Variants in PRTFDC1 observed in about 807,000 individuals in gnomAD.
PRTFDC1 encodes phosphoribosyl transferase domain containing 1, also known as phosphoribosyltransferase domain-containing protein 1.
Under a neutral mutation model 34.6 loss-of-function variants are expected in PRTFDC1, and 38 were observed. The ratio of observed to expected loss-of-function variants is 1.10; its 90% confidence interval spans 0.85 to 1.44. PRTFDC1 has a LOEUF of 1.44. Among genes scored for constraint, PRTFDC1 ranks in the 40% most tolerant of loss-of-function variants. The probability of loss-of-function intolerance (pLI) is 0.00; values close to 1 mark genes in which losing one functional copy is unlikely to be tolerated. For missense variants in PRTFDC1, 270 were observed against 283.0 expected, an observed-to-expected ratio of 0.95 and a Z score of 0.33; for synonymous variants, 93 against 98.1, an observed-to-expected ratio of 0.95 and a Z score of 0.31.
intron 3 of PRTFDC1, among the ~76,000 whole-genome samples, chr10:24,886,056 C>G (rs1848158836): frequency 6.6e-6 from 1 of 152,084 alleles, no homozygotes; most frequent in Admixed American, 6.6e-5. Flanking sequence ...TGATACTACT[C>G]CAGTGGATTG....
At chr10:24,873,614 C>T (rs1847913845) in intron 3 of PRTFDC1, among the ~76,000 whole-genome samples, 1 of 152,158 alleles carries the variant, frequency 6.6e-6, no homozygotes, top group Non-Finnish European at 1.5e-5. Flanking sequence ...TCAGGTAGGG[C>T]CAGGCCTTTG....
intron 3 of PRTFDC1, among the ~76,000 whole-genome samples, chr10:24,876,272 T>A (rs1048381527): frequency 2.3e-4 from 35 of 152,212 alleles, no homozygotes; most frequent in African/African-American, 7.9e-4. Flanking sequence ...TGGTTACTTT[T>A]GTACATTTTT....
intron 1 of PRTFDC1, among the ~76,000 whole-genome samples, chr10:24,948,712 A>G (rs1849290217): frequency 6.6e-6 from 1 of 152,128 alleles, no homozygotes; most frequent in African/African-American, 2.4e-5. Flanking sequence ...TTCCTGGACA[A>G]TTCCTTGGCT....
chr10:24,916,336 A>C lies in PRTFDC1; in HGVS notation c.339+20848T>G, dbSNP rs565985351. Among the ~76,000 whole-genome samples, 5 of 152,252 alleles carry C rather than the reference A, an allele frequency of 3.3e-5. No individual in the cohort carries two copies. The East Asian group carries it at 9.6e-4, about 29-fold the overall frequency. Reference sequence around the variant, plus strand: ...CCTTTCATTCTATTCTCAGCACCACACACAGACTTATTCTTTAAAATATAA... The same window carrying C: ...CCTTTCATTCTATTCTCAGCACCACCCACAGACTTATTCTTTAAAATATAA... On this transcript the variant is annotated intron_variant, in intron 3 of 8. Transcript: ENST00000320152.
At chr10:24,887,771 C>G (rs1315717245) in intron 3 of PRTFDC1, among the ~76,000 whole-genome samples, 1 of 152,116 alleles carries the variant, frequency 6.6e-6, no homozygotes, top group Non-Finnish European at 1.5e-5. Flanking sequence ...TGAACCTCAC[C>G]CCACCACAAC....
chr10:24,884,524 G>A (rs934702650), intron 3 of PRTFDC1, among the ~76,000 whole-genome samples: 5 of 152,160 alleles, frequency 3.3e-5, no homozygotes, highest in African/African-American at 1.2e-4. Flanking sequence ...AGAGCCACCC[G>A]CAGAGCCAGG....
intron 3 of PRTFDC1, among the ~76,000 whole-genome samples, chr10:24,891,779 G>A (rs543784195): frequency 6.6e-6 from 1 of 152,162 alleles, no homozygotes; most frequent in Non-Finnish European, 1.5e-5. Context: ...CAACAAAAAA[G>A]ACAAAATATA....
chr10:24,903,822 A>C (rs2132557096), intron 3 of PRTFDC1, among the ~76,000 whole-genome samples: 1 of 151,474 alleles, frequency 6.6e-6, no homozygotes, highest in African/African-American at 2.4e-5. Context: ...ACAAGCGAAC[A>C]CAACCACACA....
In PRTFDC1 at chr10:24,851,484, G is replaced by GAA. The variant is rs542412963; in HGVS notation, c.554-22_554-21dup. ...CAGCATCTTAGCAGACAGAGAAAGA[G>GAA]AAAAAAAAAAAGGAACAAAATTTAG... On this transcript the variant is annotated intron_variant, in intron 7 of 8. Transcript: ENST00000320152. 5 of 1,217,892 alleles carry GAA rather than the reference G, an allele frequency of 4.1e-6. No individual in the cohort carries two copies. Among genetic ancestry groups the GAA allele is most frequent in the South Asian group, 3.2e-5 (2 of 62,836 alleles). The allele number at this position is 1,217,892 out of a possible 1,614,324, so 75.4% of individuals were successfully genotyped here.
chr10:24,861,095 G>A (rs1353518016), intron 4 of PRTFDC1, among the ~76,000 whole-genome samples: 1 of 152,160 alleles, frequency 6.6e-6, no homozygotes, highest in East Asian at 1.9e-4. Flanking sequence ...CTAAGATATA[G>A]TGGTAAGTGG....
intron 8 of PRTFDC1, among the ~76,000 whole-genome samples, chr10:24,850,099 T>C (rs1029740859): frequency 3.3e-5 from 5 of 152,208 alleles, no homozygotes; most frequent in Non-Finnish European, 7.3e-5. Flanking sequence ...TGGAGATTCC[T>C]ATTCTGAATC....
intron 3 of PRTFDC1, among the ~76,000 whole-genome samples, chr10:24,922,363 C>T (rs7074097): frequency 0.32 from 49,245 of 152,106 alleles, 9,384 homozygotes; most frequent in African/African-American, 0.53. Context: ...AACTGATTAC[C>T]GCATTGATAT....
chr10:24,926,586 T>C (rs568690704), intron 3 of PRTFDC1, among the ~76,000 whole-genome samples: 1 of 152,322 alleles, frequency 6.6e-6, no homozygotes, highest in South Asian at 2.1e-4. Flanking sequence ...GGAGCTGAAG[T>C]GATCTGCCTG....
chr10:24,912,858 TG>T (rs1419969821), intron 3 of PRTFDC1, among the ~76,000 whole-genome samples: 2 of 152,114 alleles, frequency 1.3e-5, no homozygotes, highest in Non-Finnish European at 2.9e-5. Context: ...GAACTGGCCT[TG>T]CTTCTACCTC....
chr10:24,919,973 A>G (rs760324596), intron 3 of PRTFDC1, among the ~76,000 whole-genome samples: 39 of 152,160 alleles, frequency 2.6e-4, no homozygotes, highest in Non-Finnish European at 5.4e-4. Flanking sequence ...TCAAGAAACG[A>G]TAGATGCTGG....
At position 24,858,425 on chromosome 10, in the gene PRTFDC1, C is replaced by T. The variant is rs915790176; in HGVS notation, c.406-16G>A. On this transcript the variant is annotated splice_polypyrimidine_tract_variant and intron_variant, in intron 4 of 8. Transcript: ENST00000320152. ...TGAGAACATTCTGAAATAAACAAAACCCATATTTTAGAATGTGATGCCAAT... is the reference window on the plus strand; with the variant it reads ...TGAGAACATTCTGAAATAAACAAAATCCATATTTTAGAATGTGATGCCAAT... 6.2e-6 allele frequency: 10 copies of T among 1,612,816 alleles called. No homozygotes were observed. In the African/African-American group the frequency reaches 1.3e-4, roughly 22 times the overall value.
At chr10:24,951,949 T>C (rs1683107553) in intron 1 of PRTFDC1, among the ~76,000 whole-genome samples, 1 of 152,188 alleles carries the variant, frequency 6.6e-6, no homozygotes, top group African/African-American at 2.4e-5. Flanking sequence ...AGACAAGCCA[T>C]AGGTCACTCA....
intron 3 of PRTFDC1, among the ~76,000 whole-genome samples, chr10:24,910,091 G>C (rs1196753151): frequency 6.6e-6 from 1 of 152,034 alleles, no homozygotes; most frequent in Non-Finnish European, 1.5e-5. Context: ...AACCCAGGAG[G>C]CAGAGGTTGC....
intron 4 of PRTFDC1, among the ~76,000 whole-genome samples, chr10:24,860,337 C>T (rs759857218): frequency 1.5e-4 from 23 of 152,146 alleles, no homozygotes; most frequent in Non-Finnish European, 2.6e-4. Flanking sequence ...ACCAAGATTG[C>T]ACCACTGCAC....
Sources: allele counts gnomAD v4.1 joint callset (sites outside exome capture counted in the v4.1 genomes callset), GRCh38; gene constraint gnomAD v4.1.1; transcripts MANE v1.5; gene names NCBI Gene and HGNC (gene_info 2026-07-23, HGNC 2026-07-21).